FIP1L1: variants seen among roughly 807,000 people sequenced by gnomAD.
The protein encoded by FIP1L1 is factor interacting with PAPOLA and CPSF1, also known as pre-mRNA 3'-end-processing factor FIP1.
FIP1L1 carries 21 observed loss-of-function variants against 84.6 expected under a neutral mutation model. The observed-to-expected ratio is 0.25, with a 90% CI of 0.18 to 0.36. FIP1L1 has a LOEUF of 0.36. Among genes scored for constraint, FIP1L1 ranks in the 10% least tolerant of loss-of-function variants. FIP1L1 has a pLI of 1.00. For synonymous variants in FIP1L1, 263 were observed against 242.3 expected, an observed-to-expected ratio of 1.09 and a Z score of -0.80; for missense variants, 526 against 751.1, an observed-to-expected ratio of 0.70 and a Z score of 3.50.
At chr4:53,393,460 G>A (rs1745383935) in intron 9 of FIP1L1, among the ~76,000 whole-genome samples, 1 of 152,244 alleles carries the variant, frequency 6.6e-6, no homozygotes, top group Admixed American at 6.5e-5. Context: ...GAACCCTTAG[G>A]TGCTTATCAT....
At chr4:53,387,966 T>A (rs1157818283) in intron 5 of FIP1L1, among the ~76,000 whole-genome samples, 1 of 152,234 alleles carries the variant, frequency 6.6e-6, no homozygotes, top group Admixed American at 6.5e-5. Context: ...ATTACATGAA[T>A]TAATCAGCCT....
rs114052112 is a variant in FIP1L1 at position 53,423,574 on chromosome 4, G to A, written c.924-2298G>A. The stretch of plus-strand genomic sequence containing the variant: ...CAGTGTTAGATATTATGTGCTTTTT[G>A]TTGCTGTGGTACATACTGTGTGTCT... On this transcript the variant is annotated intron_variant, in intron 11 of 17. Coordinates refer to ENST00000337488, the MANE Select transcript of FIP1L1 (RefSeq NM_030917.4). 8.8e-3 allele frequency among the ~76,000 whole-genome samples: 1,340 copies of A among 152,266 alleles called. 22 individuals are homozygous for A. Among genetic ancestry groups the A allele is most frequent in the African/African-American group, 0.03 (1,263 of 41,548 alleles).
intron 10 of FIP1L1, among the ~76,000 whole-genome samples, chr4:53,404,374 G>C (rs1752023603): frequency 3.3e-5 from 5 of 151,952 alleles, no homozygotes; most frequent in Admixed American, 3.3e-4. Context: ...GTATTCCATG[G>C]TGTATATGTG....
chr4:53,391,136 T>C lies in FIP1L1; in HGVS notation c.633T>C (p.Ile211=). Residue 211 remains isoleucine (I), a synonymous_variant, in exon 8 of 18, where the codon ATT becomes ATC. Coordinates refer to ENST00000337488, the MANE Select transcript of FIP1L1 (RefSeq NM_030917.4). ...CAGTAACCTCTACTACAAATAAAAT[T>C]ACGGTAATTAATAAATACTCCGGAA... ...VIPVTSTTNK[I]TAEDCTMEVT... is the part of the protein sequence containing the mutation. 6.3e-7 allele frequency: 1 copy of C among 1,597,580 alleles called. No homozygotes were observed. The highest frequency in any genetic ancestry group is 8.5e-7 in the Non-Finnish European group (1 of 1,175,600).
At chr4:53,422,120 T>A (rs924266306) in intron 11 of FIP1L1, among the ~76,000 whole-genome samples, 37 of 152,204 alleles carry the variant, frequency 2.4e-4, no homozygotes, top group African/African-American at 8.9e-4. Context: ...TTTTGGAGAC[T>A]TTATTTCCAT....
intron 13 of FIP1L1, among the ~76,000 whole-genome samples, chr4:53,439,635 C>T (rs1042623720): frequency 1.3e-5 from 2 of 151,834 alleles, no homozygotes; most frequent in African/African-American, 4.8e-5. Flanking sequence ...TTTAGGAAAC[C>T]GTTCCAACTG....
chr4:53,450,657 C>G (rs960798078), intron 15 of FIP1L1, among the ~76,000 whole-genome samples: 5 of 152,136 alleles, frequency 3.3e-5, no homozygotes, highest in African/African-American at 4.8e-5. Context: ...TGGGTGACAG[C>G]AAGACCTCAT....
chr4:53,451,771 A>G (rs763287134), intron 15 of FIP1L1, among the ~76,000 whole-genome samples: 14 of 151,790 alleles, frequency 9.2e-5, no homozygotes, highest in Non-Finnish European at 1.9e-4. Context: ...TGAATAGCGT[A>G]TATTGTTTAT....
chr4:53,377,810 G>A lies in FIP1L1; in HGVS notation c.-29G>A, dbSNP rs753886005. ...AAGGGGTTGGAGGGGGCTGTTGATC[G>A]CCGCGTTTAAGTTGCGCTCGGGGCG... On this transcript the variant is annotated 5_prime_UTR_variant, in exon 1 of 18. Coordinates refer to ENST00000337488, the MANE Select transcript of FIP1L1 (RefSeq NM_030917.4). 27 of 1,528,892 alleles carry A rather than the reference G, an allele frequency of 1.8e-5. No individual in the cohort carries two copies. The South Asian group carries it at 3.4e-4, about 19-fold the overall frequency. The allele number at this position is 1,528,892 out of a possible 1,614,324, so 94.7% of individuals were successfully genotyped here.
intron 10 of FIP1L1, among the ~76,000 whole-genome samples, chr4:53,414,168 G>A (rs1324376032): frequency 6.6e-6 from 1 of 152,080 alleles, no homozygotes; most frequent in African/African-American, 2.4e-5. Flanking sequence ...TATGAAACAC[G>A]TCAGAGTGTT....
intron 5 of FIP1L1, among the ~76,000 whole-genome samples, chr4:53,389,154 TA>T: frequency 6.6e-6 from 1 of 152,356 alleles, no homozygotes; most frequent in South Asian, 2.1e-4. Context: ...ATGCTAGACT[TA>T]TTTTTGAATT....
intron 1 of FIP1L1, 185 bp from the exon 2 acceptor site, chr4:53,378,888 T>G: frequency 1.6e-6 from 1 of 627,734 alleles, no homozygotes; most frequent in African/African-American, 1.9e-5. Context: ...GGTGGCAAGA[T>G]TTAGCATTAG....
chr4:53,419,710 C>T (rs140498313), intron 11 of FIP1L1, among the ~76,000 whole-genome samples: 1 of 152,100 alleles, frequency 6.6e-6, no homozygotes, highest in Non-Finnish European at 1.5e-5. Context: ...CCAAATCACA[C>T]CTGAGATTAC....
intron 16 of FIP1L1, among the ~76,000 whole-genome samples, chr4:53,453,537 G>A (rs1717252411): frequency 6.6e-6 from 1 of 152,076 alleles, no homozygotes; most frequent in African/African-American, 2.4e-5. Context: ...GAGTTCAGTG[G>A]CATGATCATA....
chr4:53,433,377 T>C (rs1042020880), intron 13 of FIP1L1, among the ~76,000 whole-genome samples: 3 of 152,232 alleles, frequency 2.0e-5, no homozygotes, highest in African/African-American at 7.2e-5. Context: ...AGTGGAATCA[T>C]GCATTTGTCT....
intron 9 of FIP1L1, among the ~76,000 whole-genome samples, chr4:53,394,321 CAT>C (rs1208886770): frequency 6.6e-6 from 1 of 152,170 alleles, no homozygotes; most frequent in African/African-American, 2.4e-5. Flanking sequence ...GCCATTCACT[CAT>C]GTAACGGTGG....
At chr4:53,447,124 G>A (rs1421656909) in intron 15 of FIP1L1, among the ~76,000 whole-genome samples, 2 of 151,820 alleles carry the variant, frequency 1.3e-5, no homozygotes, top group Non-Finnish European at 2.9e-5. Flanking sequence ...TTTGTTTTTT[G>A]ATGTGTTTTT....
chr4:53,409,660 G>A (rs1260269912), intron 10 of FIP1L1, among the ~76,000 whole-genome samples: 1 of 152,210 alleles, frequency 6.6e-6, no homozygotes, highest in Non-Finnish European at 1.5e-5. Context: ...GAGTTTCCTG[G>A]CTGCTTTGTT....
intron 9 of FIP1L1, among the ~76,000 whole-genome samples, chr4:53,395,440 A>G (rs1404557887): frequency 6.6e-6 from 1 of 151,992 alleles, no homozygotes; most frequent in Non-Finnish European, 1.5e-5. Flanking sequence ...CCGGTTTTTA[A>G]TTGAGCATTG....
Sources: gnomAD v4.1 joint callset for allele counts (sites outside exome capture counted in the v4.1 genomes callset) on GRCh38, gnomAD v4.1.1 for gene constraint, MANE v1.5 for transcripts, NCBI Gene and HGNC (gene_info 2026-07-23, HGNC 2026-07-21) for gene names.